The following FBXO11 variants were observed in gnomAD, a reference collection of about 807,000 sequenced individuals.
FBXO11 encodes F-box only protein 11.
Under a neutral mutation model 117.0 loss-of-function variants are expected in FBXO11, and 13 were observed. That is an observed-to-expected ratio of 0.11 (90% confidence interval 0.07 to 0.18). The LOEUF is 0.18. FBXO11 is among the 10% of genes least tolerant of loss of function. The probability of loss-of-function intolerance (pLI) is 1.00; values close to 1 mark genes in which losing one functional copy is unlikely to be tolerated. For missense variants in FBXO11, 767 were observed against 1,164.4 expected (o/e 0.66, Z 4.97); for synonymous variants, 490 against 380.5 (o/e 1.29, Z -3.35).
chr2:47,819,689 T>A (rs1031588547), intron 14 of FBXO11, among the ~76,000 whole-genome samples: 1 of 152,224 alleles, frequency 6.6e-6, no homozygotes, highest in Non-Finnish European at 1.5e-5. Flanking sequence ...ACCTCTCATT[T>A]AGTAATAAAT....
chr2:47,900,264 T>C (rs930981354), intron 1 of FBXO11, among the ~76,000 whole-genome samples: 1 of 152,124 alleles, frequency 6.6e-6, no homozygotes, highest in Admixed American at 6.5e-5. Context: ...AAAGGTTGAG[T>C]GGCACTGTCT....
intron 1 of FBXO11, among the ~76,000 whole-genome samples, chr2:47,867,715 C>T (rs924754876): frequency 3.3e-5 from 5 of 150,512 alleles, no homozygotes; most frequent in African/African-American, 7.3e-5. Context: ...ATATCAAATG[C>T]CTGGAGTAAG....
chr2:47,906,106 G>A lies in FBXO11; in HGVS notation c.-386C>T. On this transcript the variant is annotated 5_prime_UTR_variant, in exon 1 of 23. Transcript: ENST00000403359. ...GGCGGCGGCTGAAGAGACAGATCCCGGTCCCGCCGACTCGCGAGCGGCGTC... is the reference window on the plus strand; with the variant it reads ...GGCGGCGGCTGAAGAGACAGATCCCAGTCCCGCCGACTCGCGAGCGGCGTC... 1 of 222,900 alleles carries A rather than the reference G, an allele frequency of 4.5e-6. No homozygotes were observed. Among genetic ancestry groups the A allele is most frequent in the Non-Finnish European group, 8.8e-6 (1 of 113,270 alleles). 13.8% of individuals were successfully genotyped at this position (222,900 alleles called of 1,614,324 possible).
intron 1 of FBXO11, among the ~76,000 whole-genome samples, chr2:47,899,955 G>A (rs986676262): frequency 1.3e-5 from 2 of 151,832 alleles, no homozygotes; most frequent in Admixed American, 1.3e-4. Context: ...GGTGGGGGGC[G>A]GGGGGACTTG....
intron 1 of FBXO11, among the ~76,000 whole-genome samples, chr2:47,900,912 G>GTATATATACACACA (rs2104078445): frequency 7.6e-6 from 1 of 131,202 alleles, no homozygotes; most frequent in East Asian, 2.2e-4. Context: ...ACATATATAT[G>GTATATATACACACA]TATATATATA....
At chr2:47,886,950 C>T (rs968464294) in intron 1 of FBXO11, among the ~76,000 whole-genome samples, 2 of 152,026 alleles carry the variant, frequency 1.3e-5, no homozygotes, top group African/African-American at 2.4e-5. Flanking sequence ...GAGGTTGAGG[C>T]TACACTAAGC....
chr2:47,883,987 C>A (rs752047483), intron 1 of FBXO11: 1 of 152,664 alleles, frequency 6.6e-6, no homozygotes, highest in Non-Finnish European at 1.5e-5. Flanking sequence ...TTTGGGAGGC[C>A]GAGGTGGGTG....
At chr2:47,855,342 C>A (rs1407995344) in intron 1 of FBXO11, among the ~76,000 whole-genome samples, 1 of 151,870 alleles carries the variant, frequency 6.6e-6, no homozygotes, top group Non-Finnish European at 1.5e-5. Flanking sequence ...TAGCTGGGAC[C>A]AAAGGCGCAC....
At chr2:47,900,906 A>ATATATACACGTATATATACACACGTG (rs1678192929) in intron 1 of FBXO11, among the ~76,000 whole-genome samples, 2 of 124,012 alleles carry the variant, frequency 1.6e-5, no homozygotes, top group South Asian at 2.3e-4. Context: ...ATACACACAT[A>ATATATACACGTATATATACACACGTG]TATATGTATA....
intron 4 of FBXO11, among the ~76,000 whole-genome samples, chr2:47,837,890 C>T (rs1364832952): frequency 4.6e-5 from 7 of 152,010 alleles, no homozygotes; most frequent in Admixed American, 3.9e-4. Context: ...GCCACCACAC[C>T]TGGCCTCTTT....
intron 1 of FBXO11, among the ~76,000 whole-genome samples, chr2:47,891,532 G>A (rs890609782): frequency 6.6e-6 from 1 of 152,288 alleles, no homozygotes; most frequent in South Asian, 2.1e-4. Context: ...TGGACATGTT[G>A]TGGGCTGTTT....
At chr2:47,813,108 C>T in intron 18 of FBXO11, 126 bp downstream of exon 18, 1 of 1,009,880 alleles carries the variant, frequency 9.9e-7, no homozygotes, top group South Asian at 1.3e-5. Context: ...ACCAGTTCAA[C>T]TTGATAAGGA....
At chr2:47,823,969 C>A (rs1484380310) in intron 11 of FBXO11, among the ~76,000 whole-genome samples, 1 of 151,848 alleles carries the variant, frequency 6.6e-6, no homozygotes, top group African/African-American at 2.4e-5. Context: ...GTAGCTAGGA[C>A]CATAGAAAGG....
intron 1 of FBXO11, among the ~76,000 whole-genome samples, chr2:47,881,482 C>G (rs144811390): frequency 6.6e-6 from 1 of 152,006 alleles, no homozygotes; most frequent in Non-Finnish European, 1.5e-5. Context: ...AAAATTAGCA[C>G]GCCTCCTCTC....
intron 1 of FBXO11, among the ~76,000 whole-genome samples, chr2:47,844,537 C>G (rs1396433797): frequency 2.0e-5 from 3 of 152,198 alleles, no homozygotes; most frequent in African/African-American, 2.4e-5. Flanking sequence ...CTAGCTCCCG[C>G]TTACTGTTCT....
chr2:47,824,862 C>A (rs539079257), intron 11 of FBXO11, among the ~76,000 whole-genome samples: 8 of 152,304 alleles, frequency 5.3e-5, no homozygotes, highest in African/African-American at 1.9e-4. Context: ...AGACTAAATG[C>A]AGACTGAATA....
chr2:47,853,554 A>C (rs905390553), intron 1 of FBXO11, among the ~76,000 whole-genome samples: 3 of 152,136 alleles, frequency 2.0e-5, no homozygotes, highest in Non-Finnish European at 4.4e-5. Flanking sequence ...AGCTCAAAAA[A>C]AACTGGCTCT....
chr2:47,889,731 C>T (rs1334387938), intron 1 of FBXO11, among the ~76,000 whole-genome samples: 1 of 151,694 alleles, frequency 6.6e-6, no homozygotes, highest in East Asian at 1.9e-4. Context: ...CACAGGTAAA[C>T]TCAAGTTTTA....
rs537675417 is a variant in FBXO11, at chr2:47,864,706, T to G, written c.233-24937A>C. Among the ~76,000 whole-genome samples, 21 of 152,304 alleles carry G rather than the reference T, an allele frequency of 1.4e-4. No homozygotes were observed. In the South Asian group the frequency reaches 4.4e-3, roughly 32 times the overall value. ...GAGGCTCTGTCAAGATGAATAAAAG[T>G]CCACAGAGGTCAGGTAAATCACTAA... On this transcript the variant is annotated intron_variant, in intron 1 of 22. Coordinates refer to ENST00000403359, the MANE Select transcript of FBXO11 (RefSeq NM_001190274.2).
Sources: gnomAD v4.1 joint callset for allele counts (sites outside exome capture counted in the v4.1 genomes callset) on GRCh38, gnomAD v4.1.1 for gene constraint, MANE v1.5 for transcripts, NCBI Gene and HGNC (gene_info 2026-07-23, HGNC 2026-07-21) for gene names.